The following DNAJC19 variants were observed in gnomAD, a reference collection of about 807,000 sequenced individuals.
DNAJC19 encodes the protein DnaJ heat shock protein family (Hsp40) member C19.
DNAJC19 carries 15 observed loss-of-function variants against 19.8 expected under a neutral mutation model. The observed-to-expected ratio is 0.76, with a 90% confidence interval of 0.51 to 1.17. The LOEUF is 1.17. Ranked by LOEUF, DNAJC19 falls within the 50% of genes most tolerant of loss-of-function variation. DNAJC19 has a pLI of 0.00. For missense variants in DNAJC19, 105 were observed against 140.9 expected (o/e 0.75, Z 1.29); for synonymous variants, 38 against 42.1 (o/e 0.90, Z 0.38).
intron 1 of DNAJC19, chr3:180,989,302 CTA>C: frequency 7.2e-7 from 1 of 1,387,652 alleles, no homozygotes; most frequent in South Asian, 1.6e-5. Flanking sequence ...TACGTTTCCA[CTA>C]ATCTCCGAGT....
intron 1 of DNAJC19, 34 bp from the exon 2 acceptor site, chr3:180,988,263 T>A (rs1472260495): frequency 6.2e-7 from 1 of 1,612,954 alleles, no homozygotes; most frequent in Admixed American, 1.7e-5. Context: ...TATTTACTTC[T>A]CTAATTCCCA....
rs1439652252 is a variant in DNAJC19, at chr3:180,984,136, C to T, written c.*504G>A. 6.6e-6 allele frequency: 3 copies of T among 454,056 alleles called. No individual in the cohort carries two copies. The highest frequency in any genetic ancestry group is 4.7e-5 in the South Asian group (3 of 64,482). The allele number at this position is 454,056 out of a possible 1,614,324, so 28.1% of individuals were successfully genotyped here. A position where few individuals can be genotyped will look rare whatever the true frequency, so the allele number is the denominator to read the frequency against. On this transcript the variant is annotated 3_prime_UTR_variant, in exon 6 of 6. Coordinates refer to ENST00000382564, the MANE Select transcript of DNAJC19 (RefSeq NM_145261.4). Reference sequence around the variant, plus strand: ...ACCCCTAGGTCAATTTCTTAGGTCTCAGTTGTGGTTAAATTCACTTTTAAA... The same window carrying T: ...ACCCCTAGGTCAATTTCTTAGGTCTTAGTTGTGGTTAAATTCACTTTTAAA...
intron 1 of DNAJC19, 73 bp from the exon 2 acceptor site, chr3:180,988,302 C>T (rs1364007670): frequency 6.4e-7 from 1 of 1,564,026 alleles, no homozygotes; most frequent in Non-Finnish European, 8.8e-7. Flanking sequence ...ATTCTTCCAT[C>T]CCCAACTCAT....
At chr3:180,986,200 T>C (rs1007144893) in intron 4 of DNAJC19, among the ~76,000 whole-genome samples, 6 of 152,182 alleles carry the variant, frequency 3.9e-5, no homozygotes, top group Non-Finnish European at 7.3e-5. Context: ...CAAAAATGTG[T>C]TGAACTTGCA....
chr3:180,989,316 C>G, intron 1 of DNAJC19: 1 of 1,404,426 alleles, frequency 7.1e-7, no homozygotes, highest in South Asian at 1.6e-5. Context: ...TCTCCGAGTC[C>G]ATGACAGCCT....
chr3:180,986,091 T>C (rs1714891399), intron 4 of DNAJC19, 95 bp from the exon 5 acceptor site: 3 of 991,304 alleles, frequency 3.0e-6, no homozygotes, highest in African/African-American at 3.2e-5. Context: ...TGTGAAACTG[T>C]AGTAAATTAA....
chr3:180,989,334 T>G, intron 1 of DNAJC19: 1 of 1,418,472 alleles, frequency 7.0e-7, no homozygotes, highest in Non-Finnish European at 9.2e-7. Context: ...CCTCTGACCT[T>G]ACAGGAGTTC....
chr3:180,984,749 T>A, intron 5 of DNAJC19, 39 bp from the exon 6 acceptor site: 5 of 1,434,762 alleles, frequency 3.5e-6, no homozygotes, highest in Non-Finnish European at 3.9e-6. Flanking sequence ...ACAATATGGA[T>A]TCTCAATTTC....
At chr3:180,985,590 G>A (rs1714859729) in intron 5 of DNAJC19, 1 of 268,086 alleles carries the variant, frequency 3.7e-6, no homozygotes, top group African/African-American at 2.2e-5. Flanking sequence ...AATCCCATAA[G>A]TTTCTATCTA....
chr3:180,989,730 G>A lies in DNAJC19; in HGVS notation c.-128C>T, dbSNP rs1271057212. The stretch of plus-strand genomic sequence containing the variant: ...CCAACCTCAAGCACAGGCGCCCTAC[G>A]CAACACGGCAGGAGCAGCCGCAAAC... On this transcript the variant is annotated 5_prime_UTR_variant, in exon 1 of 6. Transcript: ENST00000382564. 1 of 1,477,108 alleles carries A rather than the reference G, an allele frequency of 6.8e-7. No individual in the cohort carries two copies. The highest frequency in any genetic ancestry group is 9.2e-7 in the Non-Finnish European group (1 of 1,088,046). The allele number at this position is 1,477,108 out of a possible 1,614,324, so 91.5% of individuals were successfully genotyped here. A position where few individuals can be genotyped will look rare whatever the true frequency, so the allele number is the denominator to read the frequency against.
chr3:180,989,634 G>A lies in DNAJC19; in HGVS notation c.-32C>T. 3 of 1,584,500 alleles carry A rather than the reference G, an allele frequency of 1.9e-6. No homozygotes were observed. Among genetic ancestry groups the A allele is most frequent in the Non-Finnish European group, 2.6e-6 (3 of 1,166,020 alleles). ...GGCTGGGCTCCCTTGCTTCCACCGG[G>A]AGCACGGCTCATCCCAGCTCAGAGG... is the stretch of plus-strand genomic sequence containing the variant. On this transcript the variant is annotated 5_prime_UTR_variant, in exon 1 of 6. Transcript: ENST00000382564.
At chr3:180,989,349 C>T in intron 1 of DNAJC19, 2 of 1,421,976 alleles carry the variant, frequency 1.4e-6, no homozygotes, top group Non-Finnish European at 1.8e-6. Flanking sequence ...GAGTTCCAGG[C>T]AAGCAACACC....
chr3:180,985,443 G>A (rs1714852824), intron 5 of DNAJC19: 1 of 161,842 alleles, frequency 6.2e-6, no homozygotes, highest in African/African-American at 2.4e-5. Context: ...ATTAATGAAA[G>A]CCCTCTCCTG....
At chr3:180,987,227 C>G in intron 3 of DNAJC19, 1 of 587,192 alleles carries the variant, frequency 1.7e-6, no homozygotes, top group Non-Finnish European at 3.0e-6. Context: ...TAAACAGATT[C>G]ATTTTTTTCC....
In DNAJC19 at chr3:180,983,840, G is replaced by T. The variant is rs1308493124; in HGVS notation, c.*800C>A. 2.2e-6 allele frequency: 1 copy of T among 453,978 alleles called. No individual in the cohort carries two copies. The highest frequency in any genetic ancestry group is 2.3e-5 in the Admixed American group (1 of 42,562). The allele number at this position is 453,978 out of a possible 1,614,324, so 28.1% of individuals were successfully genotyped here. On this transcript the variant is annotated 3_prime_UTR_variant, in exon 6 of 6. Transcript: ENST00000382564. ...TTTAAGCTTAATCATAACAATTGCA[G>T]AAGTTTGATTATGTCAAGAAATAGC... is the stretch of plus-strand genomic sequence containing the variant.
At chr3:180,989,277 G>C in intron 1 of DNAJC19, 1 of 1,330,636 alleles carries the variant, frequency 7.5e-7, no homozygotes, top group Non-Finnish European at 9.7e-7. Context: ...TAGGGCAAGG[G>C]CACTTATAAT....
chr3:180,985,243 T>G (rs1714841085), intron 5 of DNAJC19, among the ~76,000 whole-genome samples: 1 of 152,144 alleles, frequency 6.6e-6, no homozygotes, highest in Non-Finnish European at 1.5e-5. Flanking sequence ...GGAGGAGTGA[T>G]TCTCAAAGTA....
At chr3:180,989,326 T>C (rs900650896) in intron 1 of DNAJC19, 1 of 1,413,592 alleles carries the variant, frequency 7.1e-7, no homozygotes, top group Non-Finnish European at 9.2e-7. Flanking sequence ...CATGACAGCC[T>C]CTGACCTTAC....
intron 4 of DNAJC19, 77 bp downstream of exon 4, chr3:180,986,866 G>C (rs568137137): frequency 8.1e-7 from 1 of 1,239,756 alleles, no homozygotes; most frequent in African/African-American, 1.5e-5. Flanking sequence ...CCTATTAAAG[G>C]AGAGAAGGTC....
Sources: allele counts gnomAD v4.1 joint callset (sites outside exome capture counted in the v4.1 genomes callset), GRCh38; gene constraint gnomAD v4.1.1; transcripts MANE v1.5; gene names NCBI Gene and HGNC (gene_info 2026-07-23, HGNC 2026-07-21).